Variants in WDR11 observed in about 807,000 individuals in gnomAD.
WDR11 encodes WD repeat domain 11, also known as WD repeat-containing protein 11.
In WDR11, 83 loss-of-function variants were observed where a neutral mutation model predicts 151.2. The ratio of observed to expected loss-of-function variants is 0.55; its 90% CI spans 0.46 to 0.66. The LOEUF (loss-of-function observed/expected upper bound fraction) is 0.66. Ranked by LOEUF, WDR11 falls within the 30% of genes least tolerant of loss-of-function variation. The pLI is 0.00. For synonymous variants in WDR11, 484 were observed against 533.1 expected, an observed-to-expected ratio of 0.91 and a Z score of 1.27; for missense variants, 1,301 against 1,480.9, an observed-to-expected ratio of 0.88 and a Z score of 1.99.
chr10:120,886,748 A>G lies in WDR11; in HGVS notation c.2033A>G (p.His678Arg), dbSNP rs776893651. 3 of 1,614,016 alleles carry G rather than the reference A, an allele frequency of 1.9e-6. No individual in the cohort carries two copies. The highest frequency in any genetic ancestry group is 2.2e-5 in the East Asian group (1 of 44,856). Residue 678 changes from histidine (H) to arginine (R), a missense_variant, in exon 16 of 29, where the codon CAT becomes CGT. By Grantham distance (29) the His-to-Arg change is conservative. This residue lies in a region of WDR11 where 589 missense variants were observed against 670.6 expected (regional missense o/e 0.88). Transcript: ENST00000263461. The stretch of plus-strand genomic sequence containing the variant: ...AGTCAGAACATCTCTGCCCGGGAAC[A>G]TTTTGTATTTACCGATATTGATGGC... ...ELSQNISARE[H>R]FVFTDIDGQV...
intron 9 of WDR11, among the ~76,000 whole-genome samples, chr10:120,868,914 C>T (rs922538152): frequency 3.9e-5 from 6 of 151,900 alleles, no homozygotes; most frequent in East Asian, 1.9e-4. Context: ...GAAGCCTGGA[C>T]ACATGTTTTG....
rs779580798 is a variant in WDR11 at position 120,908,758 on chromosome 10, AGG to A, written c.*49_*50del. 5 of 1,609,968 alleles carry A rather than the reference AGG, an allele frequency of 3.1e-6. No individual in the cohort carries two copies. The highest frequency in any genetic ancestry group is 3.3e-5 in the Admixed American group (2 of 59,998). ...GAATCTGACCTGGAAGGCAGATGGG[AGG>A]GGGCTGGTCTGGCTGTGGCCACCGT... On this transcript the variant is annotated 3_prime_UTR_variant, in exon 29 of 29. Coordinates refer to ENST00000263461, the MANE Select transcript of WDR11 (RefSeq NM_018117.12).
intron 2 of WDR11, among the ~76,000 whole-genome samples, chr10:120,857,046 A>AACATT (rs1845971630): frequency 2.0e-5 from 3 of 152,022 alleles, no homozygotes; most frequent in Non-Finnish European, 4.4e-5. Context: ...TTGAACTCAT[A>AACATT]GCCAACAACA....
chr10:120,869,971 G>C (rs1016680446), intron 9 of WDR11, among the ~76,000 whole-genome samples: 6 of 151,982 alleles, frequency 3.9e-5, no homozygotes, highest in African/African-American at 1.4e-4. Flanking sequence ...TGTATTTTTA[G>C]TAGAGACAGG....
At chr10:120,854,551 G>T (rs1324753637) in intron 2 of WDR11, among the ~76,000 whole-genome samples, 2 of 152,182 alleles carry the variant, frequency 1.3e-5, no homozygotes, top group East Asian at 3.8e-4. Context: ...GACTCATATG[G>T]TAACTCTGTT....
chr10:120,901,055 GAAAT>G lies in WDR11; in HGVS notation c.2648_2651del (p.Ile883ArgfsTer8). 1 of 1,612,634 alleles carries G rather than the reference GAAAT, an allele frequency of 6.2e-7. No homozygotes were observed. Among genetic ancestry groups the G allele is most frequent in the Non-Finnish European group, 8.5e-7 (1 of 1,178,904 alleles). Reference sequence around the variant, plus strand: ...TTACAGTGACTATCCAGAAAATGAAGAAATAAAGAATCTCCTCCAAGAACAGTTG... The same window carrying G: ...TTACAGTGACTATCCAGAAAATGAAGAAAGAATCTCCTCCAAGAACAGTTG... On this transcript the variant is annotated frameshift_variant, in exon 21 of 29. Coordinates refer to ENST00000263461, the MANE Select transcript of WDR11 (RefSeq NM_018117.12). LOFTEE classifies it high-confidence loss of function.
chr10:120,863,248 G>T (rs188403594), intron 5 of WDR11, among the ~76,000 whole-genome samples: 4 of 152,162 alleles, frequency 2.6e-5, no homozygotes. Context: ...GGGCACAAAA[G>T]CTGGATACTC....
chr10:120,862,330 G>C (rs896026015), intron 4 of WDR11: 28 of 176,910 alleles, frequency 1.6e-4, no homozygotes, highest in Non-Finnish European at 2.7e-4. Context: ...GGTAGAGACG[G>C]GGTTTCACCA....
Position 120,871,344 on chromosome 10 carries a change from T to C in WDR11, c.1469T>C (p.Val490Ala). ...NIKMYQPLLA[V>A]GTSNGSVLVY... ...AAGATGTATCAGCCACTGCTGGCTG[T>C]TGGTGAGTATTTGACCTGGTCTTTT... Residue 490 changes from valine to alanine, a missense_variant and splice_region_variant, in exon 10 of 29, where the codon GTT (valine) becomes GCT (alanine). Physicochemically the swap from Val to Ala is moderately conservative, Grantham distance 64. Around this residue, in one of 3 missense-constraint regions of WDR11, gnomAD observed 692 missense variants for 762.5 expected, o/e 0.91. Coordinates refer to ENST00000263461, the MANE Select transcript of WDR11 (RefSeq NM_018117.12). The C allele has an allele frequency of 1.2e-6, 2 of 1,613,942 alleles. No individual in the cohort carries two copies. The highest frequency in any genetic ancestry group is 1.7e-6 in the Non-Finnish European group (2 of 1,179,930).
At chr10:120,859,858 G>A (rs1195641481) in intron 3 of WDR11, among the ~76,000 whole-genome samples, 1 of 151,870 alleles carries the variant, frequency 6.6e-6, no homozygotes, top group Non-Finnish European at 1.5e-5. Context: ...TATTTTCTTT[G>A]AAGTAATATT....
At chr10:120,883,402 T>C (rs1460524165) in intron 13 of WDR11, among the ~76,000 whole-genome samples, 1 of 152,208 alleles carries the variant, frequency 6.6e-6, no homozygotes, top group East Asian at 1.9e-4. Context: ...ATAGAAACTT[T>C]ACATACTTTT....
chr10:120,891,063 A>G (rs931230652), intron 19 of WDR11, among the ~76,000 whole-genome samples, 176 bp downstream of exon 19: 1 of 152,226 alleles, frequency 6.6e-6, no homozygotes, highest in Non-Finnish European at 1.5e-5. Flanking sequence ...GAGATGCTGC[A>G]ATCTTTGTAA....
intron 19 of WDR11, among the ~76,000 whole-genome samples, chr10:120,895,516 A>C (rs1037994757): frequency 3.3e-5 from 5 of 152,182 alleles, no homozygotes; most frequent in African/African-American, 1.2e-4. Context: ...AAATTAAAAA[A>C]AAAAATTCAA....
intron 4 of WDR11, 25 bp from the exon 5 acceptor site, chr10:120,862,710 C>G (rs373827304): frequency 1.9e-6 from 3 of 1,611,126 alleles, no homozygotes; most frequent in Non-Finnish European, 1.7e-6. Context: ...AAACTTTAAT[C>G]AGAGTTTTGC....
In WDR11 at chr10:120,865,626, A is replaced by T. The variant is rs1480856930; in HGVS notation, c.880-4A>T. The stretch of plus-strand genomic sequence containing the variant: ...TAAAAAATAAATATATCATCTATTT[A>T]AAGGTAATACCCTGCTTTCAGCGTG... On this transcript the variant is annotated splice_polypyrimidine_tract_variant and splice_region_variant and intron_variant, in intron 6 of 28. Transcript: ENST00000263461. The T allele has an allele frequency of 6.3e-7, 1 of 1,581,598 alleles. No homozygotes were observed. The highest frequency in any genetic ancestry group is 1.7e-5 in the Admixed American group (1 of 59,844).
At chr10:120,886,221 A>G (rs1590095489) in intron 15 of WDR11, among the ~76,000 whole-genome samples, 2 of 152,264 alleles carry the variant, frequency 1.3e-5, no homozygotes, top group East Asian at 3.9e-4. Context: ...TACTCCATAC[A>G]CTTCAGCTTC....
At chr10:120,902,430 T>C in intron 22 of WDR11, 108 bp downstream of exon 22, 1 of 904,698 alleles carries the variant, frequency 1.1e-6, no homozygotes, top group Admixed American at 2.1e-5. Flanking sequence ...ATGTATCAGT[T>C]CATCCTTTAG....
In WDR11 at chr10:120,862,904, C is replaced by G; in HGVS notation, c.696C>G (p.Ile232Met). Residue 232 changes from isoleucine to methionine, a missense_variant, in exon 5 of 29, where the codon ATC becomes ATG. By Grantham distance (10) the Ile-to-Met change is conservative. Around this residue, in one of 3 missense-constraint regions of WDR11, gnomAD observed 692 missense variants for 762.5 expected, o/e 0.91. Coordinates refer to ENST00000263461, the MANE Select transcript of WDR11 (RefSeq NM_018117.12). ...CTCTAAATAAAGTAAAAATTTTAAT[C>G]ACTCAAGAGAAACCTAGGTAAGTTA... ...KKALNKVKIL[I>M]TQEKPSAEFI... 1 of 1,611,606 alleles carries G rather than the reference C, an allele frequency of 6.2e-7. No homozygotes were observed. The highest frequency in any genetic ancestry group is 8.5e-7 in the Non-Finnish European group (1 of 1,177,776).
At position 120,906,572 on chromosome 10, in the gene WDR11, T is replaced by C. The variant is rs538657165; in HGVS notation, c.3438-204T>C. The C allele has an allele frequency of 3.9e-5, 56 of 1,426,294 alleles. No homozygotes were observed. The South Asian group carries it at 7.1e-4, about 18-fold the overall frequency. The allele number at this position is 1,426,294 out of a possible 1,614,324, so 88.4% of individuals were successfully genotyped here. A position where few individuals can be genotyped will look rare whatever the true frequency, so the allele number is the denominator to read the frequency against. On this transcript the variant is annotated intron_variant, in intron 27 of 28. Transcript: ENST00000263461. ...AACTATTTCACAATTTTTTAAAGTA[T>C]TAATTTTAAAAAGCTTGTGTTTGGA...
Sources: allele counts gnomAD v4.1 joint callset (sites outside exome capture counted in the v4.1 genomes callset), GRCh38; gene constraint gnomAD v4.1.1; regional missense constraint gnomAD v4.1.1; transcripts MANE v1.5; gene names NCBI Gene and HGNC (gene_info 2026-07-23, HGNC 2026-07-21).